Variants in RPS6KC1 observed in about 807,000 individuals in gnomAD.
RPS6KC1 encodes inactive ribosomal protein S6 kinase delta-1.
In RPS6KC1, 54 loss-of-function variants were observed where a neutral mutation model predicts 103.8. That is an observed-to-expected ratio of 0.52 (90% CI 0.42 to 0.65). The LOEUF (loss-of-function observed/expected upper bound fraction) is 0.65. RPS6KC1 is among the 30% of genes least tolerant of loss of function. The probability of loss-of-function intolerance (pLI) is 0.00; values close to 1 mark genes in which losing one functional copy is unlikely to be tolerated. For synonymous variants in RPS6KC1, 439 were observed against 438.7 expected (o/e 1.00, Z -0.01); for missense variants, 1,151 against 1,253.8 (o/e 0.92, Z 1.24).
intron 14 of RPS6KC1, among the ~76,000 whole-genome samples, chr1:213,267,230 C>T (rs2094933041): frequency 6.6e-6 from 1 of 151,834 alleles, no homozygotes; most frequent in African/African-American, 2.4e-5. Flanking sequence ...AACCTCTGTT[C>T]AGTCACTGGT....
At chr1:213,396,570 T>C in the RPS6KC1 span, among the ~76,000 whole-genome samples, 1 of 152,182 alleles carries the variant, frequency 6.6e-6, no homozygotes, top group Non-Finnish European at 1.5e-5. Context: ...AGGGGGCAGC[T>C]TTGAAAGCTT....
chr1:213,823,752 A>ACACACACACACACG, the RPS6KC1 span, among the ~76,000 whole-genome samples: 1 of 147,248 alleles, frequency 6.8e-6, no homozygotes, highest in African/African-American at 2.5e-5. Context: ...ACACACACAC[A>ACACACACACACACG]CCACACCACA....
intron 8 of RPS6KC1, among the ~76,000 whole-genome samples, chr1:213,198,784 A>G (rs76243235): frequency 6.6e-6 from 1 of 152,156 alleles, no homozygotes; most frequent in Non-Finnish European, 1.5e-5. Flanking sequence ...TATATCAGTT[A>G]TCTGCAATCT....
chr1:213,477,092 T>C, the RPS6KC1 span, among the ~76,000 whole-genome samples: 1 of 152,158 alleles, frequency 6.6e-6, no homozygotes, highest in African/African-American at 2.4e-5. Flanking sequence ...CTGAATGACT[T>C]AGTGGTGCTG....
intron 2 of RPS6KC1, among the ~76,000 whole-genome samples, chr1:213,072,689 A>G (rs2078995275): frequency 6.6e-6 from 1 of 152,230 alleles, no homozygotes. Flanking sequence ...TGTATCAGTG[A>G]AAGTAATTTG....
chr1:213,839,177 G>T, the RPS6KC1 span, among the ~76,000 whole-genome samples: 7 of 152,072 alleles, frequency 4.6e-5, no homozygotes, highest in Non-Finnish European at 1.0e-4. Context: ...TGAATACCAG[G>T]GATCAAATCC....
the RPS6KC1 span, among the ~76,000 whole-genome samples, chr1:213,611,667 G>C: frequency 3.3e-5 from 5 of 152,186 alleles, no homozygotes; most frequent in Non-Finnish European, 7.3e-5. Flanking sequence ...TGTGCGTTTT[G>C]CATCTTGTAT....
In RPS6KC1 at chr1:213,266,929, AACAAACAAACAAAC is replaced by A. The variant is rs1460468491; in HGVS notation, c.3090+4115_3090+4128del. Among the ~76,000 whole-genome samples, 109 of 151,338 alleles carry A rather than the reference AACAAACAAACAAAC, an allele frequency of 7.2e-4. 1 individual carries two copies. Among genetic ancestry groups the A allele is most frequent in the South Asian group, 1.5e-3 (7 of 4,782 alleles). On this transcript the variant is annotated intron_variant, in intron 14 of 14. Transcript: ENST00000366960. ...AAACAAACAAACAAACAAACAAACA[AACAAACAAACAAAC>A]AAAAAACAGCCGAACTCTGGGCAAG...
At chr1:213,781,974 T>C in the RPS6KC1 span, among the ~76,000 whole-genome samples, 1 of 152,132 alleles carries the variant, frequency 6.6e-6, no homozygotes, top group Non-Finnish European at 1.5e-5. Flanking sequence ...AGAACAGCTG[T>C]TGGAAAAAAC....
the RPS6KC1 span, among the ~76,000 whole-genome samples, chr1:213,542,109 C>T: frequency 6.6e-6 from 1 of 152,168 alleles, no homozygotes; most frequent in Admixed American, 6.5e-5. Flanking sequence ...AATTGATCCA[C>T]TTATAAAAGT....
At chr1:213,707,901 A>G in the RPS6KC1 span, among the ~76,000 whole-genome samples, 1 of 152,122 alleles carries the variant, frequency 6.6e-6, no homozygotes. Flanking sequence ...ATTAGTCTAT[A>G]TATCTGTTTT....
At chr1:213,094,225 G>C (rs2081251040) in intron 3 of RPS6KC1, among the ~76,000 whole-genome samples, 1 of 151,576 alleles carries the variant, frequency 6.6e-6, no homozygotes, top group Non-Finnish European at 1.5e-5. Context: ...TGAACCATTT[G>C]AGAATAAAAT....
chr1:213,628,708 T>C, the RPS6KC1 span, among the ~76,000 whole-genome samples: 1 of 152,190 alleles, frequency 6.6e-6, no homozygotes, highest in African/African-American at 2.4e-5. Flanking sequence ...CTGCTTTCTC[T>C]TGTGGGCATT....
At chr1:213,581,732 C>T in the RPS6KC1 span, among the ~76,000 whole-genome samples, 1 of 152,158 alleles carries the variant, frequency 6.6e-6, no homozygotes, top group Non-Finnish European at 1.5e-5. Context: ...TGTCTACACC[C>T]TCATAAGAGG....
chr1:213,832,906 T>A, the RPS6KC1 span, among the ~76,000 whole-genome samples: 2 of 152,148 alleles, frequency 1.3e-5, no homozygotes, highest in African/African-American at 4.8e-5. Context: ...CCCATAGACC[T>A]CCCCTTCCTG....
chr1:213,387,062 A>G, the RPS6KC1 span, among the ~76,000 whole-genome samples: 8 of 152,228 alleles, frequency 5.3e-5, no homozygotes, highest in Admixed American at 4.6e-4. Context: ...TGAGAACACA[A>G]TATGGACAAG....
At chr1:213,847,616 C>T in the RPS6KC1 span, among the ~76,000 whole-genome samples, 1 of 152,192 alleles carries the variant, frequency 6.6e-6, no homozygotes, top group South Asian at 2.1e-4. Flanking sequence ...CTGAAACCCA[C>T]TGAAAGTGTG....
chr1:213,074,948 G>A (rs2079190069), intron 2 of RPS6KC1, among the ~76,000 whole-genome samples: 2 of 142,206 alleles, frequency 1.4e-5, no homozygotes, highest in South Asian at 2.3e-4. Context: ...CGCCTCCCGG[G>A]TTCATGCCGT....
chr1:213,553,191 C>CA, the RPS6KC1 span, among the ~76,000 whole-genome samples: 3 of 152,184 alleles, frequency 2.0e-5, no homozygotes, highest in South Asian at 6.2e-4. Context: ...GCCCTAATGT[C>CA]TATTGCTCCC....
Sources: gnomAD v4.1 joint callset for allele counts (sites outside exome capture counted in the v4.1 genomes callset) on GRCh38, gnomAD v4.1.1 for gene constraint, MANE v1.5 for transcripts, NCBI Gene and HGNC (gene_info 2026-07-23, HGNC 2026-07-21) for gene names.